The following IFT88 variants were observed in gnomAD, a reference collection of about 807,000 sequenced individuals.
IFT88 encodes intraflagellar transport protein 88 homolog.
IFT88 carries 74 observed loss-of-function variants against 119.5 expected under a neutral mutation model. The ratio of observed to expected loss-of-function variants is 0.62; its 90% CI spans 0.51 to 0.75. The LOEUF is 0.75. Ranked by LOEUF, IFT88 falls within the 30% of genes least tolerant of loss-of-function variation. The probability of loss-of-function intolerance (pLI) is 0.00; values close to 1 mark genes in which losing one functional copy is unlikely to be tolerated. For synonymous variants in IFT88, 279 were observed against 316.7 expected (o/e 0.88, Z 1.26); for missense variants, 961 against 977.7 (o/e 0.98, Z 0.23).
At chr13:20,607,151 G>C in intron 13 of IFT88, 1 of 409,414 alleles carries the variant, frequency 2.4e-6, no homozygotes, top group South Asian at 1.9e-5. Flanking sequence ...CCACATCCTG[G>C]TACTGTACGT....
At chr13:20,609,039 G>A (rs1176193170) in intron 13 of IFT88, among the ~76,000 whole-genome samples, 1 of 152,192 alleles carries the variant, frequency 6.6e-6, no homozygotes, top group Non-Finnish European at 1.5e-5. Context: ...TTGGTAGGGA[G>A]ATCTTGATTT....
chr13:20,625,894 G>A (rs2047215417), intron 15 of IFT88, 45 bp downstream of exon 15: 2 of 986,204 alleles, frequency 2.0e-6, no homozygotes, highest in Admixed American at 2.4e-5. Context: ...TATCTTAATT[G>A]GTCAAAGCAT....
chr13:20,571,183 A>G (rs1198477014), intron 1 of IFT88, among the ~76,000 whole-genome samples: 1 of 151,878 alleles, frequency 6.6e-6, no homozygotes, highest in Non-Finnish European at 1.5e-5. Context: ...TTTAGTAGAG[A>G]CGGGGTTTCA....
chr13:20,689,116 T>C (rs2058237614), intron 24 of IFT88, among the ~76,000 whole-genome samples: 1 of 152,132 alleles, frequency 6.6e-6, no homozygotes, highest in South Asian at 2.1e-4. Flanking sequence ...GTATTTTTAG[T>C]AGAGACGGGG....
intron 16 of IFT88, among the ~76,000 whole-genome samples, chr13:20,637,444 T>G (rs1435952974): frequency 1.3e-5 from 2 of 152,100 alleles, no homozygotes; most frequent in Admixed American, 1.3e-4. Flanking sequence ...CATCAGTCAG[T>G]GAGTGGCCAC....
intron 18 of IFT88, 200 bp downstream of exon 18, chr13:20,641,598 G>T (rs1454223681): frequency 4.9e-6 from 2 of 411,916 alleles, no homozygotes; most frequent in Non-Finnish European, 8.7e-6. Flanking sequence ...CATCGAAAGA[G>T]GAATTAATGG....
At chr13:20,594,846 A>C (rs539628210) in intron 7 of IFT88, among the ~76,000 whole-genome samples, 1 of 152,318 alleles carries the variant, frequency 6.6e-6, no homozygotes, top group African/African-American at 2.4e-5. Flanking sequence ...TTTTATAGAA[A>C]AAGTTATGCT....
chr13:20,610,294 G>A (rs1748548718), intron 13 of IFT88, among the ~76,000 whole-genome samples: 1 of 152,012 alleles, frequency 6.6e-6, no homozygotes, highest in African/African-American at 2.4e-5. Context: ...TGCTTGCTTT[G>A]TAAATACTTT....
intron 23 of IFT88, among the ~76,000 whole-genome samples, chr13:20,669,281 T>C (rs1019758537): frequency 1.3e-5 from 2 of 151,686 alleles, no homozygotes; most frequent in Non-Finnish European, 2.9e-5. Flanking sequence ...CAATAAAGAG[T>C]GTAGTGATTA....
chr13:20,676,868 A>G (rs965929586), intron 24 of IFT88, among the ~76,000 whole-genome samples: 22 of 152,216 alleles, frequency 1.4e-4, no homozygotes, highest in African/African-American at 5.3e-4. Context: ...ACACACATAT[A>G]TATGCATGCA....
At chr13:20,643,795 C>G (rs927688004) in intron 19 of IFT88, among the ~76,000 whole-genome samples, 190 bp downstream of exon 19, 2 of 152,112 alleles carry the variant, frequency 1.3e-5, no homozygotes, top group Non-Finnish European at 2.9e-5. Context: ...GCTCTGTCGC[C>G]CAGGCTGCTG....
At chr13:20,578,130 T>C (rs1593710926) in intron 2 of IFT88, among the ~76,000 whole-genome samples, 1 of 135,404 alleles carries the variant, frequency 7.4e-6, no homozygotes, top group Non-Finnish European at 1.5e-5. Context: ...CTGCAAGCTC[T>C]GCCTCCCAGG....
intron 24 of IFT88, among the ~76,000 whole-genome samples, chr13:20,679,586 C>T (rs1316671875): frequency 6.6e-6 from 1 of 152,128 alleles, no homozygotes; most frequent in Non-Finnish European, 1.5e-5. Flanking sequence ...AGAATTCACA[C>T]AAGAAAACAA....
At chr13:20,646,497 T>C (rs2050777747) in intron 20 of IFT88, among the ~76,000 whole-genome samples, 1 of 143,242 alleles carries the variant, frequency 7.0e-6, no homozygotes, top group African/African-American at 2.6e-5. Context: ...GTTTTTGTTT[T>C]AGTAGAAACG....
chr13:20,607,007 G>T (rs1438318362), intron 13 of IFT88, among the ~76,000 whole-genome samples: 2 of 152,184 alleles, frequency 1.3e-5, no homozygotes, highest in Non-Finnish European at 2.9e-5. Context: ...TTTTACTGGA[G>T]AATTCTATTA....
intron 14 of IFT88, among the ~76,000 whole-genome samples, chr13:20,616,290 A>C (rs904698974): frequency 2.0e-5 from 3 of 152,228 alleles, no homozygotes; most frequent in Non-Finnish European, 4.4e-5. Flanking sequence ...GTAATATCCT[A>C]GGCCTTCACA....
At chr13:20,607,501 T>G in intron 13 of IFT88, 7 of 686,898 alleles carry the variant, frequency 1.0e-5, no homozygotes, top group Non-Finnish European at 1.9e-5. Context: ...CCAAGTTGTC[T>G]TTTGACATGT....
chr13:20,592,403 AG>A lies in IFT88; in HGVS notation c.398+1del. 1 of 1,603,214 alleles carries A rather than the reference AG, an allele frequency of 6.2e-7. No homozygotes were observed. Among genetic ancestry groups the A allele is most frequent in the Admixed American group, 1.7e-5 (1 of 58,324 alleles). ...CCCTTTGGAAGCCAAGAAAAAAGAT[AG>A]GTATGTAAGTCCTTATGTTGTTGTT... ...ASPLEAKKKD[S>X]PEEKIKQLEK... On this transcript the variant is annotated frameshift_variant and splice_region_variant, in exon 7 of 26. Coordinates refer to ENST00000351808, the MANE Select transcript of IFT88 (RefSeq NM_006531.5). LOFTEE classifies it high-confidence loss of function.
chr13:20,638,592 A>G, intron 17 of IFT88, 74 bp downstream of exon 17: 37 of 1,077,432 alleles, frequency 3.4e-5, no homozygotes, highest in Non-Finnish European at 4.6e-5. Flanking sequence ...TGTTTTGCTT[A>G]AAGAGCTCTA....
Sources: allele counts gnomAD v4.1 joint callset (sites outside exome capture counted in the v4.1 genomes callset), GRCh38; gene constraint gnomAD v4.1.1; transcripts MANE v1.5; gene names NCBI Gene and HGNC (gene_info 2026-07-23, HGNC 2026-07-21).